Variants in GALNTL6 observed in about 807,000 individuals in gnomAD.
GALNTL6 encodes polypeptide N-acetylgalactosaminyltransferase like 6.
A neutral mutation model predicts 73.7 loss-of-function variants in GALNTL6; 46 were observed. That is an observed-to-expected ratio of 0.62 (90% CI 0.49 to 0.80). The LOEUF is 0.80. GALNTL6 is among the 30% of genes least tolerant of loss of function. The probability of loss-of-function intolerance (pLI) is 0.00; values close to 1 mark genes in which losing one functional copy is unlikely to be tolerated. For missense variants in GALNTL6, 604 were observed against 755.0 expected, an observed-to-expected ratio of 0.80 and a Z score of 2.34; for synonymous variants, 259 against 263.7, an observed-to-expected ratio of 0.98 and a Z score of 0.17.
chr4:172,302,327 A>C (rs1260873187), intron 3 of GALNTL6, among the ~76,000 whole-genome samples: 2 of 152,074 alleles, frequency 1.3e-5, no homozygotes, highest in East Asian at 3.9e-4. Flanking sequence ...TGGGTGAGGC[A>C]ATGCCTCACC....
chr4:172,498,181 G>A (rs1156434575), intron 5 of GALNTL6, among the ~76,000 whole-genome samples: 1 of 151,870 alleles, frequency 6.6e-6, no homozygotes, highest in African/African-American at 2.4e-5. Context: ...AGTAGAGACA[G>A]GGTTTCACCT....
chr4:171,850,604 G>A (rs1426710072), intron 2 of GALNTL6, among the ~76,000 whole-genome samples: 9 of 152,194 alleles, frequency 5.9e-5, no homozygotes, highest in Non-Finnish European at 8.8e-5. Flanking sequence ...ACCCTTGCCA[G>A]CATGGCCTTA....
intron 5 of GALNTL6, among the ~76,000 whole-genome samples, chr4:172,724,700 G>C (rs987070991): frequency 6.6e-6 from 1 of 152,154 alleles, no homozygotes; most frequent in Non-Finnish European, 1.5e-5. Flanking sequence ...TTATTGAAGT[G>C]GTTAGCCAAG....
At chr4:171,998,908 T>C (rs564680311) in intron 2 of GALNTL6, among the ~76,000 whole-genome samples, 1 of 152,322 alleles carries the variant, frequency 6.6e-6, no homozygotes, top group Admixed American at 6.5e-5. Flanking sequence ...AGGTCCACCC[T>C]CTGCTATGTC....
At chr4:172,232,794 A>G (rs967687673) in intron 3 of GALNTL6, among the ~76,000 whole-genome samples, 1 of 152,030 alleles carries the variant, frequency 6.6e-6, no homozygotes, top group Admixed American at 6.6e-5. Context: ...TATCTTTTTT[A>G]TGCTATGGGG....
chr4:172,893,306 C>G (rs1341349798), intron 8 of GALNTL6, among the ~76,000 whole-genome samples: 1 of 149,888 alleles, frequency 6.7e-6, no homozygotes, highest in African/African-American at 2.5e-5. Context: ...CGCCAGCACA[C>G]AAACCTGTGT....
intron 2 of GALNTL6, among the ~76,000 whole-genome samples, chr4:171,857,074 A>T (rs1014588515): frequency 6.6e-6 from 1 of 152,306 alleles, no homozygotes; most frequent in East Asian, 1.9e-4. Flanking sequence ...AAATACAAGC[A>T]TGAAAATAAG....
At chr4:172,477,946 T>C (rs1439015523) in intron 5 of GALNTL6, among the ~76,000 whole-genome samples, 2 of 152,222 alleles carry the variant, frequency 1.3e-5, no homozygotes, top group African/African-American at 4.8e-5. Context: ...TTATTTTTTC[T>C]ATTCATTGTT....
In GALNTL6 at chr4:172,998,989, T is replaced by TA. The variant is rs5864178; in HGVS notation, c.1372-10173dup. On this transcript the variant is annotated intron_variant, in intron 10 of 12. Coordinates refer to ENST00000506823, the MANE Select transcript of GALNTL6 (RefSeq NM_001034845.3). ...AATTTGAATAGGGACATTTTAATAT[T>TA]AAAAAAAAAAAAAAAACGTTGGCTG... Among the ~76,000 whole-genome samples the TA allele has an allele frequency of 5.4e-3, 741 of 137,818 alleles. 5 individuals are homozygous for TA. The highest frequency in any genetic ancestry group is 0.018 in the African/African-American group (674 of 37,468). The allele number at this position is 137,818 out of a possible 152,430, so 90.4% of individuals were successfully genotyped here.
At chr4:172,307,315 C>T (rs1428695973) in intron 3 of GALNTL6, among the ~76,000 whole-genome samples, 1 of 152,146 alleles carries the variant, frequency 6.6e-6, no homozygotes. Context: ...TTTCTGTTTA[C>T]TCTGCTGATT....
At chr4:171,897,533 TA>T (rs1352417571) in intron 2 of GALNTL6, among the ~76,000 whole-genome samples, 1 of 152,072 alleles carries the variant, frequency 6.6e-6, no homozygotes. Context: ...TTTAAAAAAA[TA>T]AAAGGTGGCT....
At chr4:172,243,207 C>T (rs1157226058) in intron 3 of GALNTL6, among the ~76,000 whole-genome samples, 1 of 152,134 alleles carries the variant, frequency 6.6e-6, no homozygotes, top group Non-Finnish European at 1.5e-5. Context: ...CTACTTTGAG[C>T]ACTTCTCATA....
At chr4:172,330,700 G>A (rs111964083) in intron 4 of GALNTL6, among the ~76,000 whole-genome samples, 1 of 152,098 alleles carries the variant, frequency 6.6e-6, no homozygotes, top group East Asian at 1.9e-4. Context: ...GCTTCACTGA[G>A]CTTTTGAAGC....
At chr4:172,044,042 C>T (rs1742155324) in intron 2 of GALNTL6, among the ~76,000 whole-genome samples, 1 of 151,984 alleles carries the variant, frequency 6.6e-6, no homozygotes, top group African/African-American at 2.4e-5. Context: ...GAAAGTTGAG[C>T]TTCCCACTTA....
intron 5 of GALNTL6, among the ~76,000 whole-genome samples, chr4:172,476,857 T>C (rs1429535049): frequency 6.6e-6 from 1 of 152,180 alleles, no homozygotes; most frequent in Admixed American, 6.5e-5. Flanking sequence ...AGAAAGTATA[T>C]TTTCCAAATA....
At position 172,772,424 on chromosome 4, in the gene GALNTL6, T is replaced by A. The variant is rs183231554; in HGVS notation, c.554-36937T>A. ...GAGAAGCTTAAAAAATAGCTATAGATCTAATTCTTATGATACATGAAAACA... is the reference window on the plus strand; with the variant it reads ...GAGAAGCTTAAAAAATAGCTATAGAACTAATTCTTATGATACATGAAAACA... On this transcript the variant is annotated intron_variant, in intron 5 of 12. Transcript: ENST00000506823. Among the ~76,000 whole-genome samples the A allele has an allele frequency of 4.6e-5, 7 of 152,244 alleles. No homozygotes were observed. In the East Asian group the frequency reaches 1.4e-3, roughly 29 times the overall value.
At chr4:172,298,393 G>A (rs1739770379) in intron 3 of GALNTL6, among the ~76,000 whole-genome samples, 1 of 152,170 alleles carries the variant, frequency 6.6e-6, no homozygotes, top group African/African-American at 2.4e-5. Flanking sequence ...ACACTATGGT[G>A]AATAGGAGTG....
chr4:171,937,198 T>G (rs1379582661), intron 2 of GALNTL6, among the ~76,000 whole-genome samples: 1 of 152,146 alleles, frequency 6.6e-6, no homozygotes, highest in East Asian at 1.9e-4. Flanking sequence ...GAATTTGGCT[T>G]TAGGGAAAGC....
intron 2 of GALNTL6, among the ~76,000 whole-genome samples, chr4:172,060,307 C>T (rs987259739): frequency 2.6e-5 from 4 of 152,116 alleles, no homozygotes; most frequent in African/African-American, 9.7e-5. Flanking sequence ...CATACATATA[C>T]ATATCTGCAT....
Sources: gnomAD v4.1 joint callset for allele counts (sites outside exome capture counted in the v4.1 genomes callset) on GRCh38, gnomAD v4.1.1 for gene constraint, MANE v1.5 for transcripts, NCBI Gene and HGNC (gene_info 2026-07-23, HGNC 2026-07-21) for gene names.